MUC5AC: variants seen among roughly 807,000 people sequenced by gnomAD.
MUC5AC encodes mucin 5AC, oligomeric mucus/gel-forming.
MUC5AC carries 158 observed loss-of-function variants against 169.7 expected under a neutral mutation model. The observed-to-expected ratio is 0.93, with a 90% CI of 0.82 to 1.06. The LOEUF (loss-of-function observed/expected upper bound fraction) is 1.06. MUC5AC is among the 50% of genes least tolerant of loss of function. The probability of loss-of-function intolerance (pLI) is 0.00; values close to 1 mark genes in which losing one functional copy is unlikely to be tolerated. For synonymous variants in MUC5AC, 1,975 were observed against 1,237.0 expected (o/e 1.60, Z -12.52); for missense variants, 4,359 against 3,089.9 (o/e 1.41, Z -9.74).
chr11:1,165,842 A>C (rs1860308686), intron 11 of MUC5AC, 82 bp downstream of exon 11: 1 of 1,581,926 alleles, frequency 6.3e-7, no homozygotes. Context: ...GCTTGGCTGC[A>C]TGTCACTGCT....
Position 1,189,325 on chromosome 11 carries a change from G to T in MUC5AC, c.11180G>T (p.Ser3727Ile). 1 of 568,778 alleles carries T rather than the reference G, an allele frequency of 1.8e-6. No homozygotes were observed. 35.2% of individuals were successfully genotyped at this position (568,778 alleles called of 1,614,324 possible). A position where few individuals can be genotyped will look rare whatever the true frequency, so the allele number is the denominator to read the frequency against. ...ACCACATCCTCTGCCCCTACAAGCAGCACAACCTCGGCTCCTACCACCAGC... is the reference window on the plus strand; with the variant it reads ...ACCACATCCTCTGCCCCTACAAGCATCACAACCTCGGCTCCTACCACCAGC... ...QTTTSSAPTS[S>I]TTSAPTTSTI... The change falls in exon 31 of 49, where the codon AGC becomes ATC. Residue 3727 changes from serine to isoleucine, a missense_variant. Physicochemically the swap from Ser to Ile is moderately radical, Grantham distance 142 (BLOSUM62 -2). Transcript: ENST00000621226.
chr11:1,190,435 C>G lies in MUC5AC; in HGVS notation c.12290C>G (p.Thr4097Arg), dbSNP rs1456712184. 5 of 679,222 alleles carry G rather than the reference C, an allele frequency of 7.4e-6. No individual in the cohort carries two copies. The African/African-American group carries it at 8.8e-5, about 12-fold the overall frequency. 42.1% of individuals were successfully genotyped at this position (679,222 alleles called of 1,614,324 possible). The change falls in exon 31 of 49, where the codon ACA becomes AGA. Residue 4097 changes from threonine to arginine, a missense_variant. Transcript: ENST00000621226. Reference sequence around the variant, plus strand: ...ACAACCACTTTGGTGACAACCAGCACAACCTCCACTCCACAGACCAGCACA... The same window carrying G: ...ACAACCACTTTGGTGACAACCAGCAGAACCTCCACTCCACAGACCAGCACA... The part of the protein sequence containing the change: ...SRTTTLVTTS[T>R]TSTPQTSTTS...
Position 1,199,708 on chromosome 11 carries a change from T to C in MUC5AC, c.16529T>C (p.Met5510Thr), listed in dbSNP as rs913163399. 2.8e-6 allele frequency: 2 copies of C among 710,754 alleles called. No individual in the cohort carries two copies. Among genetic ancestry groups the C allele is most frequent in the African/African-American group, 3.5e-5 (2 of 57,596 alleles). 44.0% of individuals were successfully genotyped at this position (710,754 alleles called of 1,614,324 possible). A position where few individuals can be genotyped will look rare whatever the true frequency, so the allele number is the denominator to read the frequency against. The change falls in exon 47 of 49, where the codon ATG becomes ACG. Residue 5510 changes from methionine to threonine, a missense_variant. Transcript: ENST00000621226. ...PLSCSLDEAR[M>T]SKDGCCRFCP... ...CTGTCGGCACAGGACGAGGCCCGCA[T>C]GAGCAAGGACGGCTGCTGCCGCTTC...
chr11:1,200,367 G>T, intron 48 of MUC5AC, 71 bp from the exon 49 acceptor site: 1 of 621,806 alleles, frequency 1.6e-6, no homozygotes, highest in Middle Eastern at 4.1e-4. Flanking sequence ...CCCAGAGCTC[G>T]GCACGGCGCC....
chr11:1,190,465 C>A lies in MUC5AC; in HGVS notation c.12320C>A (p.Ser4107Tyr). ...TTSTPQTSTT[S>Y]APTTSTIPAS... Reference sequence around the variant, plus strand: ...TCCACTCCACAGACCAGCACAACCTCTGCCCCTACAACCAGCACAATCCCT... The same window carrying A: ...TCCACTCCACAGACCAGCACAACCTATGCCCCTACAACCAGCACAATCCCT... The change falls in exon 31 of 49, where the codon TCT becomes TAT. Residue 4107 changes from serine (S) to tyrosine (Y), a missense_variant. Transcript: ENST00000621226. The A allele has an allele frequency of 7.2e-6, 5 of 696,652 alleles. No individual in the cohort carries two copies. In the South Asian group the frequency reaches 7.6e-5, roughly 11 times the overall value. The allele number at this position is 696,652 out of a possible 1,614,324, so 43.2% of individuals were successfully genotyped here.
At position 1,168,463 on chromosome 11, in the gene MUC5AC, A is replaced by G. The variant is rs762457046; in HGVS notation, c.1498-20A>G. 8 of 1,610,190 alleles carry G rather than the reference A, an allele frequency of 5.0e-6. No individual in the cohort carries two copies. The highest frequency in any genetic ancestry group is 1.1e-5 in the South Asian group (1 of 90,852). On this transcript the variant is annotated intron_variant, in intron 12 of 48. Coordinates refer to ENST00000621226, the MANE Select transcript of MUC5AC (RefSeq NM_001304359.2). ...CCGCAAGCCTGCCCCGCGCTCACACATCTGTCTGGCTGCCCTCAGGTGGTG... is the reference window on the plus strand; with the variant it reads ...CCGCAAGCCTGCCCCGCGCTCACACGTCTGTCTGGCTGCCCTCAGGTGGTG...
In MUC5AC at chr11:1,197,767, C is replaced by T. The variant is rs1347904325; in HGVS notation, c.16033+128C>T. 22 of 629,472 alleles carry T rather than the reference C, an allele frequency of 3.5e-5. 1 individual carries two copies. The highest frequency in any genetic ancestry group is 1.1e-4 in the South Asian group (6 of 56,432). The allele number at this position is 629,472 out of a possible 1,614,324, so 39.0% of individuals were successfully genotyped here. ...GTGCCTACGAGGGCGTCCCCTCCTC[C>T]GCTTCCGCAACAGCCTCATCTGGAG... On this transcript the variant is annotated intron_variant, in intron 41 of 48. Coordinates refer to ENST00000621226, the MANE Select transcript of MUC5AC (RefSeq NM_001304359.2).
At chr11:1,181,494 GC>G (rs1255381961) in intron 30 of MUC5AC, 35 bp downstream of exon 30, 398,118 of 398,120 alleles carry the variant, frequency 1, 199,058 homozygotes, top group Middle Eastern at 1. Context: ...CCCAGGGTGA[GC>G]CCCCTCCCAC....
chr11:1,161,545 C>T lies in MUC5AC; in HGVS notation c.170C>T (p.Ala57Val), dbSNP rs1358206863. 19 of 1,608,876 alleles carry T rather than the reference C, an allele frequency of 1.2e-5. No homozygotes were observed. Among genetic ancestry groups the T allele is most frequent in the South Asian group, 2.2e-5 (2 of 90,894 alleles). Residue 57 changes from alanine to valine, a missense_variant, in exon 3 of 49, where the codon GCG becomes GTG. Ala to Val is a moderately conservative substitution (Grantham distance 64). Transcript: ENST00000621226. ...RGPSGVPLRG[A>V]TVFPSLRTIP... Reference sequence around the variant, plus strand: ...TCCGCAGGGGTCCCGCTCCGTGGGGCGACTGTCTTCCCATCTCTGAGGACC... The same window carrying T: ...TCCGCAGGGGTCCCGCTCCGTGGGGTGACTGTCTTCCCATCTCTGAGGACC...
At position 1,181,195 on chromosome 11, in the gene MUC5AC, C is replaced by G; in HGVS notation, c.3820+13C>G. On this transcript the variant is annotated intron_variant, in intron 29 of 48. Coordinates refer to ENST00000621226, the MANE Select transcript of MUC5AC (RefSeq NM_001304359.2). The stretch of plus-strand genomic sequence containing the variant: ...TACAAAGCTGAGGGTGAGCGGCCGG[C>G]AGCCCCTGGGGCTGGGGTCCGGGGG... 1 of 398,696 alleles carries G rather than the reference C, an allele frequency of 2.5e-6. No individual in the cohort carries two copies. Among genetic ancestry groups the G allele is most frequent in the Non-Finnish European group, 4.4e-6 (1 of 226,158 alleles). The allele number at this position is 398,696 out of a possible 1,614,324, so 24.7% of individuals were successfully genotyped here.
At chr11:1,162,676 C>A (rs768431914) in intron 5 of MUC5AC, 30 bp downstream of exon 5, 5 of 1,592,268 alleles carry the variant, frequency 3.1e-6, no homozygotes, top group Non-Finnish European at 4.3e-6. Flanking sequence ...TCCCGGTGTG[C>A]AACTCCAGCC....
Position 1,199,989 on chromosome 11 carries a change from G to C in MUC5AC, c.16700+20G>C. 1.3e-6 allele frequency: 1 copy of C among 742,248 alleles called. No individual in the cohort carries two copies. The highest frequency in any genetic ancestry group is 1.4e-5 in the South Asian group (1 of 70,590). 46.0% of individuals were successfully genotyped at this position (742,248 alleles called of 1,614,324 possible). On this transcript the variant is annotated intron_variant, in intron 48 of 48. Coordinates refer to ENST00000621226, the MANE Select transcript of MUC5AC (RefSeq NM_001304359.2). Reference sequence around the variant, plus strand: ...TTCCATGTACGTGCCTGGGCAGCAGGCAGGGAGACGCGATTGGCTGTGGGG... The same window carrying C: ...TTCCATGTACGTGCCTGGGCAGCAGCCAGGGAGACGCGATTGGCTGTGGGG...
chr11:1,195,417 G>A (rs980229670), intron 36 of MUC5AC, 138 bp downstream of exon 36: 4 of 631,306 alleles, frequency 6.3e-6, no homozygotes, highest in African/African-American at 1.8e-5. Context: ...AGACCAAGGA[G>A]GGGTGGGTGT....
In MUC5AC at chr11:1,164,293, A is replaced by T; in HGVS notation, c.977A>T (p.Gln326Leu). ...TGCACCCATGCAGGGGGGTTGCCCCAGGACTGGCGGGGCCCTGACTTCTGC... is the reference window on the plus strand; with the variant it reads ...TGCACCCATGCAGGGGGGTTGCCCCTGGACTGGCGGGGCCCTGACTTCTGC... Reference protein sequence around the residue: ...RQCTHAGGLPQDWRGPDFCPQ... With the variant: ...RQCTHAGGLPLDWRGPDFCPQ... The change falls in exon 8 of 49, where the codon CAG becomes CTG. Residue 326 changes from glutamine (Q) to leucine (L), a missense_variant. By Grantham distance (113) the Gln-to-Leu change is moderately radical. Transcript: ENST00000621226. The T allele has an allele frequency of 6.2e-7, 1 of 1,612,448 alleles. No individual in the cohort carries two copies. The highest frequency in any genetic ancestry group is 1.1e-5 in the South Asian group (1 of 91,086).
In MUC5AC at chr11:1,192,977, A is replaced by G. The variant is rs1861163265; in HGVS notation, c.14575A>G (p.Arg4859Gly). ...GGGATGCCCAAATGCGGTTCCCCCC[A>G]GAAAGGTAACCCCCTACTTCTCACC... The part of the protein sequence containing the change: ...ELGCPNAVPP[R>G]KKGETWATPN... Residue 4859 changes from arginine to glycine, a missense_variant, in exon 32 of 49, where the codon AGA becomes GGA. Arg to Gly is a moderately radical substitution (Grantham distance 125). Coordinates refer to ENST00000621226, the MANE Select transcript of MUC5AC (RefSeq NM_001304359.2). 2.8e-6 allele frequency: 2 copies of G among 712,342 alleles called. No homozygotes were observed. The highest frequency in any genetic ancestry group is 5.2e-6 in the Non-Finnish European group (2 of 387,186). The allele number at this position is 712,342 out of a possible 1,614,324, so 44.1% of individuals were successfully genotyped here. A position where few individuals can be genotyped will look rare whatever the true frequency, so the allele number is the denominator to read the frequency against.
At chr11:1,197,728 T>G (rs1192233127) in intron 41 of MUC5AC, 89 bp downstream of exon 41, 16 of 635,432 alleles carry the variant, frequency 2.5e-5, no homozygotes, top group Non-Finnish European at 3.7e-5. Context: ...CCTTGGGGCG[T>G]GCACCTGGGG....
rs778434354 is a variant in MUC5AC, at chr11:1,168,462, C to T, written c.1498-21C>T. ...GCCGCAAGCCTGCCCCGCGCTCACA[C>T]ATCTGTCTGGCTGCCCTCAGGTGGT... On this transcript the variant is annotated intron_variant, in intron 12 of 48. Coordinates refer to ENST00000621226, the MANE Select transcript of MUC5AC (RefSeq NM_001304359.2). 28 of 1,611,232 alleles carry T rather than the reference C, an allele frequency of 1.7e-5. 1 individual carries two copies. Among genetic ancestry groups the T allele is most frequent in the Non-Finnish European group, 2.0e-5 (23 of 1,179,116 alleles).
Position 1,188,451 on chromosome 11 carries a change from A to G in MUC5AC, c.10306A>G (p.Thr3436Ala), listed in dbSNP as rs1489647362. ...RTTSIISAPT[T>A]STTSSPTTST... is the part of the protein sequence containing the mutation. ...AACCAGCATAATCTCTGCCCCTACA[A>G]CCAGCACAACCTCTTCCCCTACAAC... The change falls in exon 31 of 49, where the codon ACC becomes GCC. Residue 3436 changes from threonine (T) to alanine (A), a missense_variant. Coordinates refer to ENST00000621226, the MANE Select transcript of MUC5AC (RefSeq NM_001304359.2). 1.6e-6 allele frequency: 1 copy of G among 641,042 alleles called. No homozygotes were observed. The allele number at this position is 641,042 out of a possible 1,614,324, so 39.7% of individuals were successfully genotyped here.
rs1019330249 is a variant in MUC5AC at position 1,175,285 on chromosome 11, G to A, written c.2401+15G>A. On this transcript the variant is annotated intron_variant, in intron 19 of 48. Coordinates refer to ENST00000621226, the MANE Select transcript of MUC5AC (RefSeq NM_001304359.2). ...CCCCGCCCCAGGTGAGTGCCAGAAA[G>A]GAGGCACTGTGGCCCCCAGCCTCCT... 1 of 398,638 alleles carries A rather than the reference G, an allele frequency of 2.5e-6. No homozygotes were observed. Among genetic ancestry groups the A allele is most frequent in the Non-Finnish European group, 4.4e-6 (1 of 226,074 alleles). 24.7% of individuals were successfully genotyped at this position (398,638 alleles called of 1,614,324 possible).
Sources: allele counts gnomAD v4.1 joint callset, GRCh38; gene constraint gnomAD v4.1.1; transcripts MANE v1.5; gene names NCBI Gene and HGNC (gene_info 2026-07-23, HGNC 2026-07-21).